USF3: variants seen among roughly 807,000 people sequenced by gnomAD.
USF3 encodes the protein upstream transcription factor family member 3.
Under a neutral mutation model 157.5 loss-of-function variants are expected in USF3, and 29 were observed. The ratio of observed to expected loss-of-function variants is 0.18; its 90% CI spans 0.14 to 0.25. USF3 has a LOEUF of 0.25. Ranked by LOEUF, USF3 falls within the 10% of genes least tolerant of loss-of-function variation. USF3 has a pLI of 1.00. For missense variants in USF3, 2,381 were observed against 2,667.6 expected (o/e 0.89, Z 2.37); for synonymous variants, 893 against 941.4 (o/e 0.95, Z 0.94).
chr3:113,671,752 T>G (rs939095103), intron 4 of USF3, among the ~76,000 whole-genome samples: 2 of 150,626 alleles, frequency 1.3e-5, no homozygotes, highest in Admixed American at 6.6e-5. Context: ...TCTCCTTTTT[T>G]CTTTTCTTCT....
Position 113,656,558 on chromosome 3 carries a change from T to C in USF3, c.5124A>G (p.Arg1708=). 6.2e-7 allele frequency: 1 copy of C among 1,614,232 alleles called. No homozygotes were observed. The highest frequency in any genetic ancestry group is 8.5e-7 in the Non-Finnish European group (1 of 1,180,022). The change falls in exon 7 of 7, where the codon AGA becomes AGG. Residue 1708 remains arginine (R), a synonymous_variant. Transcript: ENST00000316407. The part of the protein sequence containing the change: ...LEMRSYLDVP[R]NKSLAIHNMQ... The stretch of plus-strand genomic sequence containing the variant: ...TATTATGAATAGCCAAACTCTTATT[T>C]CTGGGAACATCAAGATAGCTTCTCA...
chr3:113,693,963 A>G (rs1707747763), intron 1 of USF3, among the ~76,000 whole-genome samples: 1 of 152,252 alleles, frequency 6.6e-6, no homozygotes, highest in South Asian at 2.1e-4. Flanking sequence ...TAGCTTTTGG[A>G]CGTAGTCTCA....
rs115350937 is a variant in USF3, at chr3:113,678,566, A to G, written c.-134-1169T>C. The stretch of plus-strand genomic sequence containing the variant: ...TTATAGGTACAATTTTCATGCTACT[A>G]AAATTGCATTCCTGATGCTAAAAAA... On this transcript the variant is annotated intron_variant, in intron 1 of 6. Coordinates refer to ENST00000316407, the MANE Select transcript of USF3 (RefSeq NM_001009899.4). Among the ~76,000 whole-genome samples, 851 of 152,234 alleles carry G rather than the reference A, an allele frequency of 5.6e-3. 9 individuals are homozygous for G. Among genetic ancestry groups the G allele is most frequent in the African/African-American group, 0.016 (657 of 41,536 alleles).
intron 6 of USF3, 72 bp downstream of exon 6, chr3:113,664,241 T>A: frequency 1.0e-6 from 1 of 973,666 alleles, no homozygotes. Context: ...TGTCATAATA[T>A]AAATTTCACT....
intron 1 of USF3, among the ~76,000 whole-genome samples, chr3:113,680,501 T>G (rs1210793143): frequency 6.6e-6 from 1 of 152,176 alleles, no homozygotes; most frequent in East Asian, 1.9e-4. Context: ...TTGTTGATTT[T>G]GTTTATCTTT....
intron 1 of USF3, among the ~76,000 whole-genome samples, chr3:113,694,382 G>C (rs1167215843): frequency 6.6e-6 from 1 of 152,228 alleles, no homozygotes; most frequent in African/African-American, 2.4e-5. Flanking sequence ...GGTTCATTGA[G>C]TGTAAGGTCT....
intron 2 of USF3, among the ~76,000 whole-genome samples, chr3:113,675,718 A>G (rs1392934367): frequency 1.3e-5 from 2 of 152,338 alleles, no homozygotes; most frequent in East Asian, 3.9e-4. Context: ...ATAAAGAAAT[A>G]CATGAGACTG....
At position 113,648,933 on chromosome 3, in the gene USF3, C is replaced by A. The variant is rs1247804951; in HGVS notation, c.*6011G>T. 1 of 152,002 alleles carries A rather than the reference C, an allele frequency of 6.6e-6. No individual in the cohort carries two copies. Among genetic ancestry groups the A allele is most frequent in the Admixed American group, 6.6e-5 (1 of 15,208 alleles). The allele number at this position is 152,002 out of a possible 1,614,324, so 9.4% of individuals were successfully genotyped here. The stretch of plus-strand genomic sequence containing the variant: ...TTATATAGCCTGCTGAAAGTGGAAG[C>A]GAATCTTTTCTTCACAGTAACACAA... On this transcript the variant is annotated 3_prime_UTR_variant, in exon 7 of 7. Transcript: ENST00000316407.
Position 113,661,294 on chromosome 3 carries a change from T to G in USF3, c.388A>C (p.Lys130Gln). The change falls in exon 7 of 7, where the codon AAA becomes CAA. Residue 130 changes from lysine to glutamine, a missense_variant. Around this residue, in one of 6 missense-constraint regions of USF3, gnomAD observed 105 missense variants for 158.6 expected, o/e 0.66. Coordinates refer to ENST00000316407, the MANE Select transcript of USF3 (RefSeq NM_001009899.4). ...ATAACAACAGAGACCTTTGAGTTTT[T>G]AAGATTTCCTTTCCAGTGAATTGTC... The part of the protein sequence containing the change: ...DPTIHWKGNL[K>Q]NSKVSVVIPS... 1 of 1,614,194 alleles carries G rather than the reference T, an allele frequency of 6.2e-7. No homozygotes were observed.
At position 113,658,711 on chromosome 3, in the gene USF3, C is replaced by G. The variant is rs372311890; in HGVS notation, c.2971G>C (p.Asp991His). The G allele has an allele frequency of 2.9e-5, 47 of 1,613,666 alleles. No homozygotes were observed. The highest frequency in any genetic ancestry group is 3.2e-5 in the Non-Finnish European group (38 of 1,179,956). Residue 991 changes from aspartate (D) to histidine (H), a missense_variant, in exon 7 of 7, where the codon GAT becomes CAT. Physicochemically the swap from Asp to His is moderately conservative, Grantham distance 81. Around this residue, in one of 6 missense-constraint regions of USF3, gnomAD observed 1,435 missense variants for 1,550.9 expected, o/e 0.93. Transcript: ENST00000316407. ...EPCRVEQDSS[D>H]TMQTTGLLKG... ...AAGAGACCTGTGGTTTGCATTGTAT[C>G]TGATGAATCTTGCTCAACTCTGCAA...
intron 5 of USF3, among the ~76,000 whole-genome samples, chr3:113,664,880 A>T (rs1282935527): frequency 6.6e-6 from 1 of 152,172 alleles, no homozygotes. Flanking sequence ...CCCTATAAGA[A>T]GAGACAGAGA....
At chr3:113,679,408 GTTCT>G (rs1244409397) in intron 1 of USF3, among the ~76,000 whole-genome samples, 3 of 140,224 alleles carry the variant, frequency 2.1e-5, no homozygotes, top group Non-Finnish European at 3.1e-5. Context: ...AACAGAGAAA[GTTCT>G]TTTTTTTTTT....
chr3:113,682,885 C>T (rs1317473659), intron 1 of USF3, among the ~76,000 whole-genome samples: 5 of 147,542 alleles, frequency 3.4e-5, no homozygotes, highest in African/African-American at 9.9e-5. Flanking sequence ...GGCAACAGAT[C>T]GCTGGGCTTT....
chr3:113,669,072 C>T lies in USF3; in HGVS notation c.159+1049G>A, dbSNP rs576251452. The stretch of plus-strand genomic sequence containing the variant: ...AACTATGAGGTAATTATTTACTCCA[C>T]CCAAAAACAAAAGCAACAAATGAAA... On this transcript the variant is annotated intron_variant, in intron 5 of 6. Transcript: ENST00000316407. 1.1e-4 allele frequency among the ~76,000 whole-genome samples: 16 copies of T among 152,082 alleles called. No homozygotes were observed. The South Asian group carries it at 2.9e-3, about 28-fold the overall frequency.
rs907271399 is a variant in USF3, at chr3:113,668,527, T to C, written c.159+1594A>G. On this transcript the variant is annotated intron_variant, in intron 5 of 6. Coordinates refer to ENST00000316407, the MANE Select transcript of USF3 (RefSeq NM_001009899.4). ...CACAACAAGAACAATAAAACTAGCATAGCTTCTAATCATGCAACACTTAGG... is the reference window on the plus strand; with the variant it reads ...CACAACAAGAACAATAAAACTAGCACAGCTTCTAATCATGCAACACTTAGG... Among the ~76,000 whole-genome samples the C allele has an allele frequency of 2.7e-5, 4 of 150,204 alleles. No individual in the cohort carries two copies. In the East Asian group the frequency reaches 7.8e-4, roughly 29 times the overall value.
chr3:113,684,343 T>C (rs540280076), intron 1 of USF3, among the ~76,000 whole-genome samples: 16 of 152,174 alleles, frequency 1.1e-4, no homozygotes, highest in Non-Finnish European at 2.1e-4. Flanking sequence ...CTTCTTTGAG[T>C]TAATTTTTCT....
chr3:113,684,851 T>C (rs1259888742), intron 1 of USF3, among the ~76,000 whole-genome samples: 1 of 152,144 alleles, frequency 6.6e-6, no homozygotes, highest in Non-Finnish European at 1.5e-5. Flanking sequence ...TGGTCACTGG[T>C]GTCTTATTTA....
chr3:113,665,248 G>C (rs757985946), intron 5 of USF3, among the ~76,000 whole-genome samples: 12 of 152,216 alleles, frequency 7.9e-5, no homozygotes, highest in Admixed American at 2.6e-4. Context: ...TGGTAAGGAG[G>C]TGAGCGGAGC....
Position 113,654,220 on chromosome 3 carries a change from T to G in USF3, c.*724A>C, listed in dbSNP as rs573873652. The G allele has an allele frequency of 6.5e-6, 1 of 152,824 alleles. No homozygotes were observed. Among genetic ancestry groups the G allele is most frequent in the South Asian group, 2.1e-4 (1 of 4,832 alleles). The allele number at this position is 152,824 out of a possible 1,614,324, so 9.5% of individuals were successfully genotyped here. ...CGGAGAATATGTATGTACTTAACTT[T>G]TTAGCTTTCTATATTTACGGCTAAA... On this transcript the variant is annotated 3_prime_UTR_variant, in exon 7 of 7. Coordinates refer to ENST00000316407, the MANE Select transcript of USF3 (RefSeq NM_001009899.4).
Sources: allele counts gnomAD v4.1 joint callset (sites outside exome capture counted in the v4.1 genomes callset), GRCh38; gene constraint gnomAD v4.1.1; regional missense constraint gnomAD v4.1.1; transcripts MANE v1.5; gene names NCBI Gene and HGNC (gene_info 2026-07-23, HGNC 2026-07-21).